The following SEC23B variants were observed in gnomAD, a reference collection of about 807,000 sequenced individuals.
SEC23B encodes protein transport protein Sec23B.
A neutral mutation model predicts 104.3 loss-of-function variants in SEC23B; 77 were observed. The observed-to-expected ratio is 0.74, with a 90% CI of 0.61 to 0.89. The LOEUF is 0.89. SEC23B is among the 40% of genes least tolerant of loss of function. The probability of loss-of-function intolerance (pLI) is 0.00; values close to 1 mark genes in which losing one functional copy is unlikely to be tolerated. For missense variants in SEC23B, 885 were observed against 949.4 expected (o/e 0.93, Z 0.89); for synonymous variants, 338 against 332.5 (o/e 1.02, Z -0.18).
intron 11 of SEC23B, among the ~76,000 whole-genome samples, chr20:18,535,450 A>T (rs766761744): frequency 1.3e-5 from 2 of 152,210 alleles, no homozygotes; most frequent in Non-Finnish European, 2.9e-5. Flanking sequence ...GTTAATATAA[A>T]AAGCTTAATT....
intron 19 of SEC23B, among the ~76,000 whole-genome samples, 182 bp downstream of exon 19, chr20:18,555,355 G>C (rs962879198): frequency 6.6e-6 from 1 of 151,964 alleles, no homozygotes; most frequent in African/African-American, 2.4e-5. Flanking sequence ...CGGAGGTTGA[G>C]GGGGCTCCCT....
In SEC23B at chr20:18,524,919, C is replaced by CTTT; in HGVS notation, c.604-6_604-4dup. On this transcript the variant is annotated splice_polypyrimidine_tract_variant and intron_variant, in intron 5 of 19. Coordinates refer to ENST00000650089, the MANE Select transcript of SEC23B (RefSeq NM_006363.6). ...TGTCATTGGAAATGAATCTTTTTGG[C>CTTT]TTTTTTTTTTTTAAGGATATGTTGG... 14 of 1,349,166 alleles carry CTTT rather than the reference C, an allele frequency of 1.0e-5. No homozygotes were observed. The Admixed American group carries it at 2.2e-4, about 22-fold the overall frequency. 83.6% of individuals were successfully genotyped at this position (1,349,166 alleles called of 1,614,324 possible). A position where few individuals can be genotyped will look rare whatever the true frequency, so the allele number is the denominator to read the frequency against.
chr20:18,522,304 A>G (rs1331275967), intron 4 of SEC23B, among the ~76,000 whole-genome samples: 1 of 152,192 alleles, frequency 6.6e-6, no homozygotes, highest in African/African-American at 2.4e-5. Flanking sequence ...TGGGTGAATA[A>G]TCAGGCAGGC....
chr20:18,514,872 C>T (rs993430973), intron 3 of SEC23B, among the ~76,000 whole-genome samples: 8 of 152,188 alleles, frequency 5.3e-5, no homozygotes, highest in African/African-American at 1.9e-4. Flanking sequence ...AATTTTTCTA[C>T]ATTCCGTATG....
chr20:18,553,615 G>A (rs1194471450), intron 17 of SEC23B, among the ~76,000 whole-genome samples: 3 of 152,236 alleles, frequency 2.0e-5, no homozygotes, highest in African/African-American at 7.2e-5. Flanking sequence ...CGTAGTCAGG[G>A]AGACAGATCG....
chr20:18,550,786 C>G (rs1218571820), intron 16 of SEC23B, among the ~76,000 whole-genome samples: 2 of 151,358 alleles, frequency 1.3e-5, no homozygotes, highest in African/African-American at 4.9e-5. Flanking sequence ...GGTCACATCA[C>G]TTTACTCCAG....
chr20:18,527,797 G>C (rs1444621926), intron 9 of SEC23B, among the ~76,000 whole-genome samples, 186 bp downstream of exon 9: 1 of 152,154 alleles, frequency 6.6e-6, no homozygotes, highest in Admixed American at 6.5e-5. Flanking sequence ...TTAGTAGGAG[G>C]GCTCAAGAGT....
chr20:18,552,454 T>C (rs1305714648), intron 17 of SEC23B, among the ~76,000 whole-genome samples: 1 of 152,136 alleles, frequency 6.6e-6, no homozygotes, highest in Non-Finnish European at 1.5e-5. Context: ...GTTCCACCTC[T>C]GCAGATTCAA....
At chr20:18,542,565 A>C (rs1257785543) in intron 13 of SEC23B, among the ~76,000 whole-genome samples, 163 bp downstream of exon 13, 1 of 152,240 alleles carries the variant, frequency 6.6e-6, no homozygotes. Context: ...TGGCTAACCC[A>C]GTTGGGCCTA....
chr20:18,551,169 T>TG lies in SEC23B; in HGVS notation c.1988dup (p.Glu664Ter). The TG allele has an allele frequency of 6.5e-7, 1 of 1,548,934 alleles. No individual in the cohort carries two copies. Among genetic ancestry groups the TG allele is most frequent in the East Asian group, 2.2e-5 (1 of 44,602 alleles). On this transcript the variant is annotated frameshift_variant, in exon 17 of 20. Transcript: ENST00000650089. LOFTEE classifies it high-confidence loss of function. ...CTTTCTTTCAAATTGTCATTTATCT[T>TG]GGTGAGGTAAGATGATATTATTAAT...
chr20:18,515,090 A>C (rs2060013427), intron 3 of SEC23B, among the ~76,000 whole-genome samples: 1 of 152,154 alleles, frequency 6.6e-6, no homozygotes, highest in Non-Finnish European at 1.5e-5. Context: ...AGGGGAGAAA[A>C]TCACTTGAAA....
At chr20:18,537,824 C>G (rs551339490) in intron 12 of SEC23B, among the ~76,000 whole-genome samples, 1 of 152,180 alleles carries the variant, frequency 6.6e-6, no homozygotes, top group Admixed American at 6.5e-5. Flanking sequence ...CTCATCTGAT[C>G]CTTTAGTGAG....
chr20:18,515,590 GAA>G, intron 3 of SEC23B, 58 bp from the exon 4 acceptor site: 1 of 999,310 alleles, frequency 1.0e-6, no homozygotes, highest in Non-Finnish European at 1.6e-6. Flanking sequence ...TTTACACATG[GAA>G]AATAAAAAGT....
chr20:18,510,630 G>C (rs2059972988), intron 1 of SEC23B, among the ~76,000 whole-genome samples, 192 bp from the exon 2 acceptor site: 1 of 152,178 alleles, frequency 6.6e-6, no homozygotes, highest in Non-Finnish European at 1.5e-5. Context: ...GCCGGGCTTG[G>C]TGGCACAGGC....
intron 4 of SEC23B, among the ~76,000 whole-genome samples, chr20:18,519,960 G>A (rs999853934): frequency 1.6e-4 from 25 of 152,186 alleles, no homozygotes; most frequent in Non-Finnish European, 2.8e-4. Flanking sequence ...GGGGCTGTCC[G>A]CGAAGCCTTG....
At chr20:18,554,751 C>T (rs558360959) in intron 18 of SEC23B, among the ~76,000 whole-genome samples, 8 of 147,558 alleles carry the variant, frequency 5.4e-5, no homozygotes, top group Admixed American at 1.4e-4. Flanking sequence ...GGCGTGAACC[C>T]GGGAGGCAGA....
intron 19 of SEC23B, among the ~76,000 whole-genome samples, chr20:18,555,592 A>T (rs540943142): frequency 1.3e-5 from 2 of 152,022 alleles, no homozygotes; most frequent in South Asian, 4.2e-4. Context: ...CCTGATTACT[A>T]CTTTATCTAA....
rs1465601351 is a variant in SEC23B, at chr20:18,554,240, A to G, written c.1998A>G (p.Ile666Met). Residue 666 changes from isoleucine to methionine, a missense_variant, in exon 18 of 20, where the codon ATA becomes ATG. Physicochemically the swap from Ile to Met is conservative, Grantham distance 10 (BLOSUM62 1). Coordinates refer to ENST00000650089, the MANE Select transcript of SEC23B (RefSeq NM_006363.6). ...GTTGGTTTGTTTCTGTGTAGACCAT[A>G]GCCCAGTGGCGTAAAGCTGGCTACC... ...FQIVIYLGET[I>M]AQWRKAGYQD... is the part of the protein sequence containing the mutation. 6.2e-7 allele frequency: 1 copy of G among 1,614,192 alleles called. No homozygotes were observed. The highest frequency in any genetic ancestry group is 2.2e-5 in the East Asian group (1 of 44,880).
intron 18 of SEC23B, 23 bp from the exon 19 acceptor site, chr20:18,555,085 T>G (rs759153147): frequency 6.2e-7 from 1 of 1,606,952 alleles, no homozygotes; most frequent in Non-Finnish European, 8.5e-7. Context: ...CTTTAAATCT[T>G]TTTGTTGTTG....
Sources: allele counts gnomAD v4.1 joint callset (sites outside exome capture counted in the v4.1 genomes callset), GRCh38; gene constraint gnomAD v4.1.1; transcripts MANE v1.5; gene names NCBI Gene and HGNC (gene_info 2026-07-23, HGNC 2026-07-21).